The following EFNA5 variants were observed in gnomAD, a reference collection of about 807,000 sequenced individuals.
The protein encoded by EFNA5 is ephrin-A5.
Under a neutral mutation model 22.9 loss-of-function variants are expected in EFNA5, and 5 were observed. That is an observed-to-expected ratio of 0.22 (90% CI 0.11 to 0.46). The LOEUF (loss-of-function observed/expected upper bound fraction) is 0.46, where lower values mean the gene tolerates loss of function less well. Among genes scored for constraint, EFNA5 ranks in the 20% least tolerant of loss-of-function variants. EFNA5 has a pLI of 0.99. For synonymous variants in EFNA5, 113 were observed against 112.2 expected (o/e 1.01, Z -0.04); for missense variants, 237 against 293.3 (o/e 0.81, Z 1.40).
chr5:107,384,305 G>T (rs962090141), intron 4 of EFNA5, among the ~76,000 whole-genome samples: 5 of 152,156 alleles, frequency 3.3e-5, no homozygotes, highest in African/African-American at 1.2e-4. Context: ...ACAACATGGG[G>T]GTTTCAATGG....
intron 1 of EFNA5, among the ~76,000 whole-genome samples, chr5:107,668,897 C>CA (rs1751124831): frequency 2.0e-5 from 3 of 152,208 alleles, no homozygotes; most frequent in Admixed American, 1.3e-4. Context: ...AGTGGCATGT[C>CA]AAAGAAGAAA....
intron 2 of EFNA5, among the ~76,000 whole-genome samples, chr5:107,415,476 TTC>T (rs1748479071): frequency 6.6e-6 from 1 of 152,192 alleles, no homozygotes; most frequent in African/African-American, 2.4e-5. Flanking sequence ...GTTTATGCTG[TTC>T]TGATTCCTTA....
chr5:107,624,395 T>A (rs1374688368), intron 1 of EFNA5, among the ~76,000 whole-genome samples: 1 of 152,192 alleles, frequency 6.6e-6, no homozygotes, highest in African/African-American at 2.4e-5. Flanking sequence ...AAGTTTTAAC[T>A]ATCAGTGCAT....
intron 1 of EFNA5, among the ~76,000 whole-genome samples, chr5:107,541,305 G>A (rs368696197): frequency 2.2e-4 from 33 of 152,064 alleles, no homozygotes; most frequent in African/African-American, 8.0e-4. Context: ...ACAAAATACT[G>A]AAAGTTAATT....
chr5:107,410,695 A>G, intron 2 of EFNA5, among the ~76,000 whole-genome samples: 1 of 152,228 alleles, frequency 6.6e-6, no homozygotes, highest in East Asian at 1.9e-4. Flanking sequence ...AACAAAATTA[A>G]CTTAAATTTA....
At chr5:107,646,381 T>G (rs1265061749) in intron 1 of EFNA5, among the ~76,000 whole-genome samples, 2 of 152,296 alleles carry the variant, frequency 1.3e-5, no homozygotes, top group East Asian at 3.9e-4. Flanking sequence ...AGATACTATA[T>G]GCTTAAAGGC....
intron 1 of EFNA5, among the ~76,000 whole-genome samples, chr5:107,609,811 CCGA>C (rs1319432182): frequency 8.5e-5 from 13 of 152,152 alleles, no homozygotes; most frequent in Non-Finnish European, 1.3e-4. Flanking sequence ...CTGCCCGCCG[CCGA>C]CTAGAATAAG....
intron 1 of EFNA5, among the ~76,000 whole-genome samples, chr5:107,650,578 C>T (rs922912928): frequency 2.0e-5 from 3 of 152,104 alleles, no homozygotes; most frequent in Non-Finnish European, 4.4e-5. Context: ...GCTTATAATA[C>T]AGAAAGCAAA....
At chr5:107,446,358 A>T (rs925336678) in intron 1 of EFNA5, among the ~76,000 whole-genome samples, 2 of 152,240 alleles carry the variant, frequency 1.3e-5, no homozygotes, top group Admixed American at 6.5e-5. Flanking sequence ...TGAGAATCTC[A>T]AAGATCCTGC....
At chr5:107,421,747 T>C (rs993075959) in intron 2 of EFNA5, among the ~76,000 whole-genome samples, 3 of 152,156 alleles carry the variant, frequency 2.0e-5, no homozygotes, top group South Asian at 2.1e-4. Flanking sequence ...AAAGTGTATT[T>C]TTTCAAGTAT....
intron 1 of EFNA5, among the ~76,000 whole-genome samples, chr5:107,525,806 C>T (rs1019688537): frequency 2.0e-5 from 3 of 151,822 alleles, no homozygotes; most frequent in African/African-American, 7.3e-5. Context: ...GAGAGGCAGG[C>T]GCACACAGTT....
intron 1 of EFNA5, among the ~76,000 whole-genome samples, chr5:107,527,758 A>T (rs1747727173): frequency 6.6e-6 from 1 of 152,186 alleles, no homozygotes; most frequent in Non-Finnish European, 1.5e-5. Context: ...TGTGGCAGGT[A>T]GGGAAGTTTC....
rs554379850 is a variant in EFNA5, at chr5:107,634,334, T to G, written c.125+36155A>C. Among the ~76,000 whole-genome samples the G allele has an allele frequency of 1.5e-3, 226 of 152,310 alleles. 2 individuals are homozygous for G. Among genetic ancestry groups the G allele is most frequent in the African/African-American group, 5.4e-3 (223 of 41,574 alleles). On this transcript the variant is annotated intron_variant, in intron 1 of 4. Transcript: ENST00000333274. ...GAATTCGAGACCAGCCTGTGCAACC[T>G]AGAGAGACCTTGTCTCTACAAAAGA...
chr5:107,604,900 G>T (rs946383331), intron 1 of EFNA5, among the ~76,000 whole-genome samples: 9 of 152,040 alleles, frequency 5.9e-5, no homozygotes, highest in Non-Finnish European at 1.2e-4. Context: ...AGGTCCACTG[G>T]CACCTAACTA....
intron 2 of EFNA5, among the ~76,000 whole-genome samples, chr5:107,419,086 G>A (rs1280059347): frequency 1.3e-5 from 2 of 152,194 alleles, no homozygotes; most frequent in South Asian, 4.1e-4. Context: ...AGAAGGCAGA[G>A]GTACAGGTCT....
rs183218272 is a variant in EFNA5, at chr5:107,631,391, T to C, written c.125+39098A>G. ...ATACACATGTACATATATATATATA[T>C]ACATGTGTCTTTCATATATATACAT... On this transcript the variant is annotated intron_variant, in intron 1 of 4. Transcript: ENST00000333274. Among the ~76,000 whole-genome samples, 563 of 151,440 alleles carry C rather than the reference T, an allele frequency of 3.7e-3. 3 individuals carry two copies. The highest frequency in any genetic ancestry group is 0.013 in the African/African-American group (517 of 40,942).
intron 1 of EFNA5, among the ~76,000 whole-genome samples, chr5:107,557,833 T>C (rs1302638369): frequency 6.6e-6 from 1 of 152,198 alleles, no homozygotes; most frequent in Non-Finnish European, 1.5e-5. Context: ...TGGCCTCTTA[T>C]AATAATGATG....
chr5:107,578,186 G>A (rs111718834), intron 1 of EFNA5, among the ~76,000 whole-genome samples: 2,613 of 152,280 alleles, frequency 0.017, 44 homozygotes, highest in Non-Finnish European at 0.024. Flanking sequence ...CTTAGGTGCT[G>A]AGAAGATGCA....
At chr5:107,416,939 A>G (rs1230722171) in intron 2 of EFNA5, among the ~76,000 whole-genome samples, 1 of 152,176 alleles carries the variant, frequency 6.6e-6, no homozygotes, top group Non-Finnish European at 1.5e-5. Flanking sequence ...AACTTAATCA[A>G]TTCAGATTTT....
Sources: gnomAD v4.1 joint callset for allele counts (sites outside exome capture counted in the v4.1 genomes callset) on GRCh38, gnomAD v4.1.1 for gene constraint, MANE v1.5 for transcripts, NCBI Gene and HGNC (gene_info 2026-07-23, HGNC 2026-07-21) for gene names.